KIF9: variants seen among roughly 807,000 people sequenced by gnomAD.
The protein encoded by KIF9 is kinesin-like protein KIF9.
A neutral mutation model predicts 94.8 loss-of-function variants in KIF9; 68 were observed. The ratio of observed to expected loss-of-function variants is 0.72; its 90% CI spans 0.59 to 0.88. KIF9 has a LOEUF of 0.88. Ranked by LOEUF, KIF9 falls within the 40% of genes least tolerant of loss-of-function variation. KIF9 has a pLI of 0.00. For missense variants in KIF9, 882 were observed against 982.5 expected, an observed-to-expected ratio of 0.90 and a Z score of 1.37; for synonymous variants, 343 against 362.1, an observed-to-expected ratio of 0.95 and a Z score of 0.60.
At chr3:47,249,082 C>T (rs898254747) in intron 10 of KIF9, among the ~76,000 whole-genome samples, 4 of 151,414 alleles carry the variant, frequency 2.6e-5, no homozygotes, top group Non-Finnish European at 5.9e-5. Flanking sequence ...CTTTCACCCT[C>T]ATCCTCACCA....
chr3:47,246,551 GTT>G (rs11333588), intron 12 of KIF9: 1,880 of 147,070 alleles, frequency 0.013, 8 homozygotes, highest in Middle Eastern at 0.023. Flanking sequence ...CCTTCTAAAG[GTT>G]TTTTTTTTTT....
intron 10 of KIF9, among the ~76,000 whole-genome samples, chr3:47,256,886 G>A (rs1222400161): frequency 4.6e-5 from 7 of 152,130 alleles, no homozygotes; most frequent in Admixed American, 1.3e-4. Flanking sequence ...GTCCACTCAG[G>A]GTTAAATGGA....
At chr3:47,231,377 T>C (rs145995004) in intron 20 of KIF9, among the ~76,000 whole-genome samples, 4 of 146,316 alleles carry the variant, frequency 2.7e-5, no homozygotes, top group African/African-American at 7.5e-5. Flanking sequence ...ATTCAAAATA[T>C]AGAATCTCAG....
At chr3:47,264,034 C>A in intron 9 of KIF9, 1 of 561,118 alleles carries the variant, frequency 1.8e-6, no homozygotes, top group Non-Finnish European at 3.4e-6. Flanking sequence ...CTCTCAGCCT[C>A]CCTCCTCACA....
intron 16 of KIF9, 187 bp downstream of exon 16, chr3:47,242,864 G>T: frequency 2.2e-6 from 1 of 450,498 alleles, no homozygotes. Context: ...TGTGCATCTT[G>T]GATGACTCCT....
intron 5 of KIF9, among the ~76,000 whole-genome samples, chr3:47,267,818 A>G (rs1216419669): frequency 2.0e-5 from 3 of 149,338 alleles, no homozygotes; most frequent in Non-Finnish European, 4.5e-5. Flanking sequence ...TTTTTTAGTG[A>G]GCATGTATTA....
At chr3:47,278,928 C>T (rs910630157) in intron 1 of KIF9, among the ~76,000 whole-genome samples, 3 of 151,396 alleles carry the variant, frequency 2.0e-5, no homozygotes, top group South Asian at 2.1e-4. Flanking sequence ...GCTGAGATCG[C>T]GCCATTGCAC....
At chr3:47,258,464 T>C (rs1044699072) in intron 9 of KIF9, among the ~76,000 whole-genome samples, 1 of 152,200 alleles carries the variant, frequency 6.6e-6, no homozygotes, top group Non-Finnish European at 1.5e-5. Context: ...ATTGAGATAT[T>C]TTACCATCTG....
intron 2 of KIF9, among the ~76,000 whole-genome samples, chr3:47,276,484 A>G (rs113596404): frequency 6.9e-6 from 1 of 145,564 alleles, no homozygotes; most frequent in Non-Finnish European, 1.5e-5. Context: ...TGAACCTGGG[A>G]GGCGGAGGTT....
At chr3:47,240,022 C>T (rs2107138121) in intron 17 of KIF9, 2 of 1,040,962 alleles carry the variant, frequency 1.9e-6, no homozygotes, top group East Asian at 5.4e-5. Context: ...AGGTCCTGGG[C>T]CCTGCTCCAT....
intron 9 of KIF9, among the ~76,000 whole-genome samples, chr3:47,262,755 G>A (rs1701064045): frequency 6.6e-6 from 1 of 152,182 alleles, no homozygotes; most frequent in Non-Finnish European, 1.5e-5. Context: ...GCGAGACCCT[G>A]CAGGCATGTC....
chr3:47,251,718 G>A (rs1010306077), intron 10 of KIF9, among the ~76,000 whole-genome samples: 5 of 152,198 alleles, frequency 3.3e-5, no homozygotes, highest in African/African-American at 9.7e-5. Flanking sequence ...TCAGGCTGTG[G>A]GGCAGCTCTT....
chr3:47,267,872 CTTTT>C (rs1210887622), intron 5 of KIF9, among the ~76,000 whole-genome samples: 2 of 125,758 alleles, frequency 1.6e-5, no homozygotes, highest in East Asian at 2.2e-4. Flanking sequence ...TTGTGTTCTC[CTTTT>C]TTTTTTTTTT....
intron 1 of KIF9, chr3:47,280,936 G>A (rs1386772415): frequency 4.3e-6 from 3 of 703,028 alleles, no homozygotes; most frequent in Non-Finnish European, 7.8e-6. Context: ...GGGACCCCAT[G>A]CCATCTTGCA....
chr3:47,263,719 C>T (rs1701121289), intron 9 of KIF9: 1 of 380,672 alleles, frequency 2.6e-6, no homozygotes, highest in South Asian at 2.0e-5. Context: ...CTGAAGGTCT[C>T]CTCCCTCTGG....
At chr3:47,254,039 A>C (rs1190098522) in intron 10 of KIF9, among the ~76,000 whole-genome samples, 1 of 152,186 alleles carries the variant, frequency 6.6e-6, no homozygotes, top group Non-Finnish European at 1.5e-5. Context: ...TTTATTGAAC[A>C]TTTACCCCAT....
At chr3:47,257,968 T>C (rs1031831526) in intron 9 of KIF9, among the ~76,000 whole-genome samples, 3 of 152,202 alleles carry the variant, frequency 2.0e-5, no homozygotes, top group African/African-American at 7.2e-5. Context: ...GCTTCCTTCC[T>C]GAAGCCCTCC....
At position 47,243,066 on chromosome 3, in the gene KIF9, T is replaced by G. The variant is rs140288368; in HGVS notation, c.1694A>C (p.Glu565Ala). 3.1e-6 allele frequency: 5 copies of G among 1,606,910 alleles called. No individual in the cohort carries two copies. The African/African-American group carries it at 6.7e-5, about 21-fold the overall frequency. Residue 565 changes from glutamate to alanine, a missense_variant, in exon 16 of 21, where the codon GAA (glutamate) becomes GCA (alanine). Glu to Ala is a moderately radical substitution (Grantham distance 107). Coordinates refer to ENST00000684063, the MANE Select transcript of KIF9 (RefSeq NM_182902.4). Reference protein sequence around the residue: ...EPLPSDSPKEELRPIRPDTPP... With the variant: ...EPLPSDSPKEALRPIRPDTPP... ...AGCTGATTACCTAATTGGGCGTAAT[T>G]CCTCCTTCGGGGAGTCTGAGGGAAG...
At chr3:47,255,683 C>T (rs558506174) in intron 10 of KIF9, among the ~76,000 whole-genome samples, 3 of 152,058 alleles carry the variant, frequency 2.0e-5, no homozygotes, top group African/African-American at 7.2e-5. Context: ...CCTGAAGATG[C>T]CCTTTTTCTT....
Sources: allele counts gnomAD v4.1 joint callset (sites outside exome capture counted in the v4.1 genomes callset), GRCh38; gene constraint gnomAD v4.1.1; transcripts MANE v1.5; gene names NCBI Gene and HGNC (gene_info 2026-07-23, HGNC 2026-07-21).